THRB: variants seen among roughly 807,000 people sequenced by gnomAD.
The protein encoded by THRB is thyroid hormone receptor beta.
Under a neutral mutation model 47.8 loss-of-function variants are expected in THRB, and 12 were observed. The ratio of observed to expected loss-of-function variants is 0.25; its 90% CI spans 0.16 to 0.41. The LOEUF is 0.41. Ranked by LOEUF, THRB falls within the 10% of genes least tolerant of loss-of-function variation. The pLI is 1.00. For missense variants in THRB, 348 were observed against 589.2 expected, an observed-to-expected ratio of 0.59 and a Z score of 4.24; for synonymous variants, 218 against 212.2, an observed-to-expected ratio of 1.03 and a Z score of -0.24.
At chr3:24,482,669 C>T (rs1458351222) in intron 1 of THRB, among the ~76,000 whole-genome samples, 2 of 151,896 alleles carry the variant, frequency 1.3e-5, no homozygotes, top group Non-Finnish European at 2.9e-5. Flanking sequence ...GTTTCTCTTC[C>T]CTGCTCCGTG....
intron 3 of THRB, among the ~76,000 whole-genome samples, chr3:24,288,181 A>G (rs2055531032): frequency 6.6e-6 from 1 of 152,246 alleles, no homozygotes; most frequent in Non-Finnish European, 1.5e-5. Flanking sequence ...AGGTAGTAAA[A>G]GGAAGGCTGG....
At chr3:24,395,863 A>C (rs976673670) in intron 1 of THRB, among the ~76,000 whole-genome samples, 1 of 152,182 alleles carries the variant, frequency 6.6e-6, no homozygotes, top group Admixed American at 6.5e-5. Context: ...GAGCAACTCA[A>C]ATATCCACCA....
chr3:24,328,254 C>T lies in THRB; in HGVS notation c.-189+9046G>A, dbSNP rs562531062. Among the ~76,000 whole-genome samples, 33 of 152,116 alleles carry T rather than the reference C, an allele frequency of 2.2e-4. 1 individual carries two copies. The South Asian group carries it at 3.5e-3, about 16-fold the overall frequency. On this transcript the variant is annotated intron_variant, in intron 2 of 10. Transcript: ENST00000646209. The stretch of plus-strand genomic sequence containing the variant: ...GCCTTTATTTTAGAAACACTTCTTA[C>T]GGAAATAATCAGAAGTTAAGACAAA...
chr3:24,433,340 T>C (rs2070637004), intron 1 of THRB, among the ~76,000 whole-genome samples: 1 of 152,084 alleles, frequency 6.6e-6, no homozygotes, highest in Non-Finnish European at 1.5e-5. Context: ...TAAAATTCCT[T>C]ATAAAAAGGA....
rs1236644655 is a variant in THRB at position 24,187,717 on chromosome 3, T to C, written c.283+2357A>G. On this transcript the variant is annotated intron_variant, in intron 5 of 10. Coordinates refer to ENST00000646209, the MANE Select transcript of THRB (RefSeq NM_001354712.2). ...TGCCCAACATGGATGAACATCAAAA[T>C]ATAACTCTCTTCATAGTAACTATAT... Among the ~76,000 whole-genome samples, 3 of 152,168 alleles carry C rather than the reference T, an allele frequency of 2.0e-5. No individual in the cohort carries two copies. The East Asian group carries it at 5.8e-4, about 29-fold the overall frequency.
chr3:24,386,717 T>C (rs892214514), intron 1 of THRB, among the ~76,000 whole-genome samples: 1 of 152,176 alleles, frequency 6.6e-6, no homozygotes, highest in African/African-American at 2.4e-5. Context: ...AATTTTGTGA[T>C]AAGACACCAG....
rs902630662 is a variant in THRB at position 24,162,148 on chromosome 3, C to G, written c.284-9658G>C. 4.6e-5 allele frequency among the ~76,000 whole-genome samples: 7 copies of G among 151,498 alleles called. No individual in the cohort carries two copies. The East Asian group carries it at 7.7e-4, about 17-fold the overall frequency. ...TGATTAGTATTTGTGATGGAAACAG[C>G]TAGCACTTCCACCCACAAAAGGATT... On this transcript the variant is annotated intron_variant, in intron 5 of 10. Transcript: ENST00000646209.
chr3:24,308,722 C>A (rs1366899902), intron 2 of THRB, among the ~76,000 whole-genome samples: 1 of 152,056 alleles, frequency 6.6e-6, no homozygotes, highest in African/African-American at 2.4e-5. Flanking sequence ...ACACTTTGCC[C>A]ATGGTATAAA....
intron 2 of THRB, among the ~76,000 whole-genome samples, chr3:24,315,613 CT>C (rs1429146864): frequency 1.3e-5 from 2 of 152,184 alleles, no homozygotes; most frequent in Non-Finnish European, 2.9e-5. Context: ...ATGAGCAAAG[CT>C]TGTGGTAACC....
chr3:24,233,885 T>G (rs369056438), intron 3 of THRB, among the ~76,000 whole-genome samples: 1 of 152,200 alleles, frequency 6.6e-6, no homozygotes, highest in Non-Finnish European at 1.5e-5. Flanking sequence ...TTCCCTGCCC[T>G]GCCTGACGTC....
chr3:24,442,930 C>T (rs1162663049), intron 1 of THRB, among the ~76,000 whole-genome samples: 1 of 152,132 alleles, frequency 6.6e-6, no homozygotes, highest in South Asian at 2.1e-4. Flanking sequence ...CGTCTATAAT[C>T]CCAGCATTCT....
At position 24,341,231 on chromosome 3, in the gene THRB, C is replaced by CTTTTTTTT. The variant is rs5847287; in HGVS notation, c.-260-3868_-260-3861dup. ...GGTAAAACAATTAACATGAGATTAC[C>CTTTTTTTT]TTTTTTTTTTTTTTTTTTGAGACAG... is the stretch of plus-strand genomic sequence containing the variant. On this transcript the variant is annotated intron_variant, in intron 1 of 10. Coordinates refer to ENST00000646209, the MANE Select transcript of THRB (RefSeq NM_001354712.2). Among the ~76,000 whole-genome samples, 21 of 104,046 alleles carry CTTTTTTTT rather than the reference C, an allele frequency of 2.0e-4. No homozygotes were observed. In the South Asian group the frequency reaches 3.5e-3, roughly 17 times the overall value. The allele number at this position is 104,046 out of a possible 152,430, so 68.3% of individuals were successfully genotyped here.
chr3:24,346,395 A>G (rs1292510975), intron 1 of THRB, among the ~76,000 whole-genome samples: 1 of 152,078 alleles, frequency 6.6e-6, no homozygotes, highest in Non-Finnish European at 1.5e-5. Flanking sequence ...ATATGGTAAC[A>G]AAGGAGAGGA....
chr3:24,163,401 T>C (rs2596622), intron 5 of THRB, among the ~76,000 whole-genome samples: 47,159 of 151,974 alleles, frequency 0.31, 7,830 homozygotes, highest in African/African-American at 0.4. Context: ...TAACATTTTA[T>C]AAGCAAATAT....
intron 1 of THRB, among the ~76,000 whole-genome samples, chr3:24,432,142 A>G (rs570079160): frequency 3.9e-5 from 6 of 152,180 alleles, no homozygotes; most frequent in African/African-American, 1.4e-4. Flanking sequence ...TCCATTACCA[A>G]GCTTCATAGC....
At chr3:24,131,242 A>G (rs760123627) in intron 9 of THRB, among the ~76,000 whole-genome samples, 1 of 152,272 alleles carries the variant, frequency 6.6e-6, no homozygotes, top group Non-Finnish European at 1.5e-5. Flanking sequence ...TTGAAAAAAG[A>G]CTAAAATAGG....
chr3:24,241,235 T>C (rs1185058963), intron 3 of THRB, among the ~76,000 whole-genome samples: 1 of 150,020 alleles, frequency 6.7e-6, no homozygotes, highest in Non-Finnish European at 1.5e-5. Flanking sequence ...GAAAAAGCAT[T>C]CTCAGTTCTC....
chr3:24,398,165 G>T (rs1244122476), intron 1 of THRB, among the ~76,000 whole-genome samples: 1 of 152,064 alleles, frequency 6.6e-6, no homozygotes, highest in Non-Finnish European at 1.5e-5. Context: ...TTGAGGTGGG[G>T]CAAAGAAGCA....
chr3:24,380,223 C>T (rs1232610556), intron 1 of THRB, among the ~76,000 whole-genome samples: 1 of 150,446 alleles, frequency 6.6e-6, no homozygotes, highest in African/African-American at 2.5e-5. Flanking sequence ...CTGCATACTA[C>T]TGCCACATCC....
Sources: allele counts gnomAD v4.1 joint callset (sites outside exome capture counted in the v4.1 genomes callset), GRCh38; gene constraint gnomAD v4.1.1; transcripts MANE v1.5; gene names NCBI Gene and HGNC (gene_info 2026-07-23, HGNC 2026-07-21).